The following ZNF804B variants were observed in gnomAD, a reference collection of about 807,000 sequenced individuals.
ZNF804B encodes zinc finger protein 804B, also known as zinc finger 804B.
ZNF804B carries 80 observed loss-of-function variants against 101.4 expected under a neutral mutation model. The ratio of observed to expected loss-of-function variants is 0.79; its 90% CI spans 0.66 to 0.95. The LOEUF (loss-of-function observed/expected upper bound fraction) is 0.95. Ranked by LOEUF, ZNF804B falls within the 40% of genes least tolerant of loss-of-function variation. The pLI, the probability that ZNF804B is intolerant of heterozygous loss-of-function variation, is 0.00. For synonymous variants in ZNF804B, 622 were observed against 558.8 expected (o/e 1.11, Z -1.59); for missense variants, 1,673 against 1,561.9 (o/e 1.07, Z -1.20).
At chr7:89,016,947 A>G (rs1259318663) in intron 1 of ZNF804B, among the ~76,000 whole-genome samples, 1 of 152,140 alleles carries the variant, frequency 6.6e-6, no homozygotes, top group Non-Finnish European at 1.5e-5. Context: ...TTTTCACGAT[A>G]TTGATTCTTC....
At chr7:88,954,798 A>G (rs903150513) in intron 1 of ZNF804B, among the ~76,000 whole-genome samples, 4 of 151,762 alleles carry the variant, frequency 2.6e-5, no homozygotes, top group African/African-American at 9.7e-5. Context: ...TGGAGTTTAA[A>G]TTCTTAACAG....
At chr7:88,847,525 C>T (rs1791393990) in intron 1 of ZNF804B, among the ~76,000 whole-genome samples, 1 of 151,992 alleles carries the variant, frequency 6.6e-6, no homozygotes, top group African/African-American at 2.4e-5. Context: ...AATGTCTACA[C>T]AGGTTTGATC....
rs1339220888 is a variant in ZNF804B, at chr7:89,335,061, C to T, written c.2079C>T (p.Asn693=). The change falls in exon 4 of 4, where the codon AAC becomes AAT. Residue 693 remains asparagine, a synonymous_variant. Coordinates refer to ENST00000333190, the MANE Select transcript of ZNF804B (RefSeq NM_181646.5). ...CCAGCAAGGTTTCCGGATGTGGAAA[C>T]CAAAGATACAAGAGATACTCTCCAC... The part of the protein sequence containing the change: ...SMTSKVSGCG[N]QRYKRYSPQS... 6.2e-7 allele frequency: 1 copy of T among 1,613,796 alleles called. No homozygotes were observed. Among genetic ancestry groups the T allele is most frequent in the Non-Finnish European group, 8.5e-7 (1 of 1,179,924 alleles).
At chr7:89,207,519 A>T (rs551178362) in intron 1 of ZNF804B, among the ~76,000 whole-genome samples, 28 of 152,298 alleles carry the variant, frequency 1.8e-4, no homozygotes, top group African/African-American at 6.3e-4. Flanking sequence ...ATACATGGGG[A>T]TTATTACAAT....
intron 2 of ZNF804B, among the ~76,000 whole-genome samples, chr7:89,253,372 C>G (rs1043739351): frequency 1.3e-5 from 2 of 151,702 alleles, no homozygotes; most frequent in African/African-American, 4.8e-5. Flanking sequence ...GAGGCATCAG[C>G]CAAAAGTACA....
intron 1 of ZNF804B, among the ~76,000 whole-genome samples, chr7:88,786,986 T>C (rs1391269968): frequency 2.0e-5 from 3 of 152,096 alleles, no homozygotes; most frequent in African/African-American, 4.8e-5. Context: ...TAGAATGTGG[T>C]TGAGTACCAT....
intron 2 of ZNF804B, among the ~76,000 whole-genome samples, chr7:89,249,905 A>G (rs967971168): frequency 5.9e-5 from 9 of 152,112 alleles, no homozygotes; most frequent in African/African-American, 2.2e-4. Context: ...TAACATAGGT[A>G]GGCCAGCTGT....
intron 2 of ZNF804B, among the ~76,000 whole-genome samples, chr7:89,254,334 G>C (rs1789591801): frequency 1.3e-5 from 2 of 151,570 alleles, no homozygotes; most frequent in Non-Finnish European, 1.5e-5. Context: ...GAATATAATT[G>C]TATTAAAAGA....
intron 1 of ZNF804B, among the ~76,000 whole-genome samples, chr7:88,872,716 G>A (rs1333403518): frequency 2.0e-5 from 3 of 150,634 alleles, no homozygotes; most frequent in African/African-American, 4.9e-5. Context: ...GAGAATATGT[G>A]GCGTTTGGTT....
chr7:88,857,835 T>TTC (rs1562814196), intron 1 of ZNF804B, among the ~76,000 whole-genome samples: 2 of 130,728 alleles, frequency 1.5e-5, no homozygotes, highest in African/African-American at 5.9e-5. Flanking sequence ...TTTTTTTTTT[T>TTC]TTTTTTTTTT....
intron 2 of ZNF804B, among the ~76,000 whole-genome samples, chr7:89,259,052 T>C (rs543827573): frequency 6.6e-6 from 1 of 152,284 alleles, no homozygotes; most frequent in Admixed American, 6.5e-5. Flanking sequence ...TTTGCCCATA[T>C]CATAGAAGGG....
intron 1 of ZNF804B, among the ~76,000 whole-genome samples, chr7:89,134,814 A>G (rs1790605216): frequency 6.9e-6 from 1 of 145,028 alleles, no homozygotes. Flanking sequence ...GTATAACCAA[A>G]CATCCTGTTT....
At chr7:88,920,176 CA>C (rs777469021) in intron 1 of ZNF804B, among the ~76,000 whole-genome samples, 7 of 152,038 alleles carry the variant, frequency 4.6e-5, no homozygotes, top group Non-Finnish European at 7.4e-5. Context: ...TATCATAAAT[CA>C]GAACTCTCCT....
chr7:88,835,607 T>C (rs1791201250), intron 1 of ZNF804B, among the ~76,000 whole-genome samples: 1 of 151,858 alleles, frequency 6.6e-6, no homozygotes, highest in African/African-American at 2.4e-5. Flanking sequence ...AAATATAATT[T>C]AAAGGAAAAG....
chr7:89,336,470 T>TACA lies in ZNF804B; in HGVS notation c.3490_3492dup (p.Gln1164dup). The TACA allele has an allele frequency of 6.2e-7, 1 of 1,614,088 alleles. No homozygotes were observed. Among genetic ancestry groups the TACA allele is most frequent in the Non-Finnish European group, 8.5e-7 (1 of 1,180,004 alleles). ...ATAGATAAATATAAGATCCTACAGC[T>TACA]ACAAGCCCAGCAGCATATGCAGAAG... On this transcript the variant is annotated inframe_insertion, in exon 4 of 4. Coordinates refer to ENST00000333190, the MANE Select transcript of ZNF804B (RefSeq NM_181646.5).
chr7:88,919,787 G>GTA (rs1260947366), intron 1 of ZNF804B, among the ~76,000 whole-genome samples: 4 of 152,068 alleles, frequency 2.6e-5, no homozygotes, highest in African/African-American at 9.7e-5. Flanking sequence ...GATTAACAGC[G>GTA]TAAGTTCTGA....
intron 2 of ZNF804B, among the ~76,000 whole-genome samples, chr7:89,242,174 A>G (rs547506642): frequency 6.6e-6 from 1 of 152,074 alleles, no homozygotes; most frequent in African/African-American, 2.4e-5. Flanking sequence ...TATTATTGCA[A>G]CTCAACACCT....
chr7:89,120,584 G>A (rs1211079618), intron 1 of ZNF804B, among the ~76,000 whole-genome samples: 1 of 149,654 alleles, frequency 6.7e-6, no homozygotes, highest in Non-Finnish European at 1.5e-5. Context: ...CGTGAACCCG[G>A]GAGGCGGAGC....
Position 88,836,925 on chromosome 7 carries a change from G to C in ZNF804B, c.108+76841G>C, listed in dbSNP as rs1385321626. Among the ~76,000 whole-genome samples, 3 of 151,898 alleles carry C rather than the reference G, an allele frequency of 2.0e-5. No individual in the cohort carries two copies. In the East Asian group the frequency reaches 5.8e-4, roughly 29 times the overall value. On this transcript the variant is annotated intron_variant, in intron 1 of 3. Transcript: ENST00000333190. ...GATGTCCAGTGTTTTGAAAAACCTT[G>C]ATTAATAGTTTTTGGTTTTTCTTTT...
Sources: allele counts gnomAD v4.1 joint callset (sites outside exome capture counted in the v4.1 genomes callset), GRCh38; gene constraint gnomAD v4.1.1; transcripts MANE v1.5; gene names NCBI Gene and HGNC (gene_info 2026-07-23, HGNC 2026-07-21).